SNX29: variants seen among roughly 807,000 people sequenced by gnomAD.
SNX29 encodes sorting nexin-29.
In SNX29, 78 loss-of-function variants were observed where a neutral mutation model predicts 102.1. The ratio of observed to expected loss-of-function variants is 0.76; its 90% CI spans 0.64 to 0.92. The LOEUF is 0.92. SNX29 is among the 40% of genes least tolerant of loss of function. The pLI is 0.00. For missense variants in SNX29, 1,280 were observed against 1,061.7 expected (o/e 1.21, Z -2.86); for synonymous variants, 580 against 414.5 (o/e 1.40, Z -4.85).
chr16:12,534,808 C>G (rs954714882), intron 20 of SNX29, among the ~76,000 whole-genome samples: 2 of 152,182 alleles, frequency 1.3e-5, no homozygotes, highest in African/African-American at 4.8e-5. Flanking sequence ...TTGCCTTACT[C>G]CCCAGTTCCA....
intron 16 of SNX29, among the ~76,000 whole-genome samples, chr16:12,379,356 A>C (rs2151418189): frequency 6.6e-6 from 1 of 152,288 alleles, no homozygotes; most frequent in Middle Eastern, 3.4e-3. Context: ...TCCTGGGCTT[A>C]AGCGATCTAC....
chr16:12,456,994 G>T (rs1358335570), intron 18 of SNX29, among the ~76,000 whole-genome samples: 1 of 152,180 alleles, frequency 6.6e-6, no homozygotes, highest in Non-Finnish European at 1.5e-5. Context: ...AGTTGATTGT[G>T]ATACTCGAGG....
chr16:12,525,046 G>A (rs139463115), intron 20 of SNX29, among the ~76,000 whole-genome samples: 3 of 152,246 alleles, frequency 2.0e-5, no homozygotes, highest in East Asian at 3.9e-4. Context: ...AAGAGAGCAG[G>A]CCTGCAAATG....
chr16:12,013,500 A>AAAATATATATATATATAT, intron 3 of SNX29, among the ~76,000 whole-genome samples: 9 of 31,622 alleles, frequency 2.8e-4, no homozygotes, highest in Admixed American at 5.6e-4. Context: ...AAAAAAAAAA[A>AAAATATATATATATATAT]ATATATATAT....
At chr16:12,565,161 C>CT (rs370720026) in intron 20 of SNX29, among the ~76,000 whole-genome samples, 42 of 152,242 alleles carry the variant, frequency 2.8e-4, no homozygotes, top group Non-Finnish European at 5.0e-4. Flanking sequence ...AGTTTACATA[C>CT]TCCCAGTCCT....
At chr16:12,555,547 G>A (rs1046775508) in intron 20 of SNX29, among the ~76,000 whole-genome samples, 4 of 150,784 alleles carry the variant, frequency 2.7e-5, no homozygotes, top group Non-Finnish European at 5.9e-5. Context: ...AGGTCATACC[G>A]TGGGTTTGAG....
intron 1 of SNX29, among the ~76,000 whole-genome samples, chr16:11,978,795 C>T (rs769426893): frequency 6.6e-6 from 1 of 152,032 alleles, no homozygotes; most frequent in Non-Finnish European, 1.5e-5. Flanking sequence ...TCTGGTGGCA[C>T]GCGCCTGTAA....
chr16:12,063,076 C>G (rs1354123629), intron 9 of SNX29, among the ~76,000 whole-genome samples: 1 of 152,172 alleles, frequency 6.6e-6, no homozygotes, highest in Non-Finnish European at 1.5e-5. Flanking sequence ...GTGGCTGACC[C>G]TGATGAACTC....
chr16:12,113,994 A>G (rs1338217329), intron 11 of SNX29, among the ~76,000 whole-genome samples: 2 of 152,240 alleles, frequency 1.3e-5, no homozygotes, highest in Admixed American at 6.5e-5. Flanking sequence ...TTGAAATGCC[A>G]TGCCAGTTAG....
At chr16:12,549,726 A>G (rs983529590) in intron 20 of SNX29, among the ~76,000 whole-genome samples, 2 of 152,194 alleles carry the variant, frequency 1.3e-5, no homozygotes, top group African/African-American at 4.8e-5. Flanking sequence ...GTCACCCTAC[A>G]AAGTGTGTTC....
rs71139577 is a variant in SNX29 at position 12,127,424 on chromosome 16, CTT to C, written c.1466+743_1466+744del. 1.6e-3 allele frequency among the ~76,000 whole-genome samples: 207 copies of C among 128,614 alleles called. 1 individual carries two copies. Among genetic ancestry groups the C allele is most frequent in the Admixed American group, 2.4e-3 (31 of 12,902 alleles). The allele number at this position is 128,614 out of a possible 152,430, so 84.4% of individuals were successfully genotyped here. A position where few individuals can be genotyped will look rare whatever the true frequency, so the allele number is the denominator to read the frequency against. On this transcript the variant is annotated intron_variant, in intron 12 of 20. Coordinates refer to ENST00000566228, the MANE Select transcript of SNX29 (RefSeq NM_032167.5). ...TTATCACCTCCTTAGCCTAGGCAGT[CTT>C]TTTTTTTTTTTTTTGAGATAGTTCT...
chr16:12,547,335 G>C (rs1028768277), intron 20 of SNX29, among the ~76,000 whole-genome samples: 2 of 152,192 alleles, frequency 1.3e-5, no homozygotes, highest in South Asian at 2.1e-4. Flanking sequence ...AGGCCTTGCA[G>C]CCAAGGGAAC....
chr16:12,573,755 A>C lies in SNX29; in HGVS notation c.*5126A>C, dbSNP rs953557473. ...TCGTACATTTGCACCCAGAGCTACT[A>C]AACGCTCAGTGACCCCAGAGACCAT... is the stretch of plus-strand genomic sequence containing the variant. On this transcript the variant is annotated 3_prime_UTR_variant, in exon 21 of 21. Coordinates refer to ENST00000566228, the MANE Select transcript of SNX29 (RefSeq NM_032167.5). The C allele has an allele frequency of 4.5e-6, 1 of 222,956 alleles. No individual in the cohort carries two copies. Among genetic ancestry groups the C allele is most frequent in the Non-Finnish European group, 9.0e-6 (1 of 111,672 alleles). 13.8% of individuals were successfully genotyped at this position (222,956 alleles called of 1,614,324 possible). A position where few individuals can be genotyped will look rare whatever the true frequency, so the allele number is the denominator to read the frequency against.
At chr16:12,467,615 C>T (rs1000148114) in intron 18 of SNX29, among the ~76,000 whole-genome samples, 44 of 140,146 alleles carry the variant, frequency 3.1e-4, no homozygotes, top group South Asian at 2.1e-3. Flanking sequence ...TTCGTTTGTT[C>T]GTTCGTTAGT....
At chr16:12,340,866 G>T (rs1214459720) in intron 15 of SNX29, among the ~76,000 whole-genome samples, 2 of 152,108 alleles carry the variant, frequency 1.3e-5, no homozygotes, top group Non-Finnish European at 2.9e-5. Context: ...AGCCTTTTAC[G>T]TGGAGTCTTT....
chr16:12,022,703 G>A (rs530561359), intron 3 of SNX29, among the ~76,000 whole-genome samples: 83 of 152,172 alleles, frequency 5.5e-4, no homozygotes, highest in African/African-American at 1.9e-3. Context: ...ATGGGGTTAT[G>A]TCCTGATAAT....
At chr16:12,243,973 A>G (rs7190030) in intron 14 of SNX29, among the ~76,000 whole-genome samples, 2,704 of 152,268 alleles carry the variant, frequency 0.018, 96 homozygotes, top group African/African-American at 0.062. Flanking sequence ...AAATTACTCT[A>G]CTGGTGGTGG....
chr16:12,495,321 T>G (rs867596361), intron 19 of SNX29, among the ~76,000 whole-genome samples: 1 of 152,000 alleles, frequency 6.6e-6, no homozygotes, highest in Non-Finnish European at 1.5e-5. Flanking sequence ...CCAGCTAGTT[T>G]ATGTATTTTT....
intron 19 of SNX29, among the ~76,000 whole-genome samples, chr16:12,519,143 C>G (rs1202756945): frequency 1.3e-5 from 2 of 152,160 alleles, no homozygotes; most frequent in Non-Finnish European, 2.9e-5. Flanking sequence ...AGCCAGAAAT[C>G]TGGGTTTTAT....
Sources: gnomAD v4.1 joint callset for allele counts (sites outside exome capture counted in the v4.1 genomes callset) on GRCh38, gnomAD v4.1.1 for gene constraint, MANE v1.5 for transcripts, NCBI Gene and HGNC (gene_info 2026-07-23, HGNC 2026-07-21) for gene names.